VIRMA: variants seen among roughly 807,000 people sequenced by gnomAD.
The protein encoded by VIRMA is protein virilizer homolog.
Under a neutral mutation model 182.4 loss-of-function variants are expected in VIRMA, and 65 were observed. That is an observed-to-expected ratio of 0.36 (90% confidence interval 0.29 to 0.44). The LOEUF (loss-of-function observed/expected upper bound fraction) is 0.44. VIRMA is among the 20% of genes least tolerant of loss of function. VIRMA has a pLI of 1.00. For synonymous variants in VIRMA, 709 were observed against 743.1 expected (o/e 0.95, Z 0.75); for missense variants, 1,752 against 2,158.1 (o/e 0.81, Z 3.73).
chr8:94,529,509 A>G (rs1482766230), intron 6 of VIRMA, among the ~76,000 whole-genome samples, 167 bp from the exon 7 acceptor site: 4 of 152,194 alleles, frequency 2.6e-5, no homozygotes, highest in African/African-American at 9.6e-5. Flanking sequence ...TACACTGTAC[A>G]ACTTCTACAG....
rs748361563 is a variant in VIRMA, at chr8:94,494,928, C to T, written c.4573G>A (p.Asp1525Asn). 1.2e-6 allele frequency: 2 copies of T among 1,611,064 alleles called. No homozygotes were observed. The highest frequency in any genetic ancestry group is 1.7e-6 in the Non-Finnish European group (2 of 1,177,470). ...RTAYVLADVM[D>N]DQLKSMWFTP... is the part of the protein sequence containing the mutation. ...AACCACATAGATTTCAACTGATCAT[C>T]CATGACATCAGCAAGCACATAGGCA... The change falls in exon 20 of 24, where the codon GAT becomes AAT. Residue 1525 changes from aspartate to asparagine, a missense_variant. Physicochemically the swap from Asp to Asn is conservative, Grantham distance 23 (BLOSUM62 1). Coordinates refer to ENST00000297591, the MANE Select transcript of VIRMA (RefSeq NM_015496.5).
chr8:94,527,588 GACAA>G (rs1005341466), intron 7 of VIRMA, among the ~76,000 whole-genome samples: 3 of 152,044 alleles, frequency 2.0e-5, no homozygotes, highest in African/African-American at 7.3e-5. Context: ...CTGAAAACTG[GACAA>G]ACATTTTAAG....
In VIRMA at chr8:94,511,727, G is replaced by T; in HGVS notation, c.2848C>A (p.Gln950Lys). The T allele has an allele frequency of 1.2e-6, 2 of 1,611,618 alleles. No individual in the cohort carries two copies. The highest frequency in any genetic ancestry group is 2.2e-5 in the South Asian group (2 of 90,976). ...AGATTCCATTTCAGATCTTTCTGTTGACCTTTATATAGGATAAGAAAAAGA... is the reference window on the plus strand; with the variant it reads ...AGATTCCATTTCAGATCTTTCTGTTTACCTTTATATAGGATAAGAAAAAGA... ...VACPPPPVEG[Q>K]QKDLKWNLAV... The change falls in exon 13 of 24, where the codon CAA becomes AAA. Residue 950 changes from glutamine (Q) to lysine (K), a missense_variant and splice_region_variant. Physicochemically the swap from Gln to Lys is moderately conservative, Grantham distance 53 (BLOSUM62 1). Around this residue, in one of 11 missense-constraint regions of VIRMA, gnomAD observed 777 missense variants for 920.6 expected, o/e 0.84. Transcript: ENST00000297591.
At chr8:94,535,339 C>T (rs752615014) in intron 4 of VIRMA, among the ~76,000 whole-genome samples, 4 of 151,930 alleles carry the variant, frequency 2.6e-5, no homozygotes, top group Non-Finnish European at 4.4e-5. Context: ...TAAATTAAAC[C>T]CCAATAGGTA....
chr8:94,551,063 T>TC (rs1248237665), intron 1 of VIRMA, among the ~76,000 whole-genome samples: 1 of 152,156 alleles, frequency 6.6e-6, no homozygotes, highest in Admixed American at 6.5e-5. Flanking sequence ...AGCTCCATGA[T>TC]CTGTCTTTGA....
chr8:94,533,279 G>GA (rs1319520395), intron 5 of VIRMA, among the ~76,000 whole-genome samples: 4 of 151,110 alleles, frequency 2.6e-5, no homozygotes, highest in Admixed American at 1.3e-4. Context: ...ACCACCATCA[G>GA]AAAAAAAAGA....
intron 9 of VIRMA, among the ~76,000 whole-genome samples, chr8:94,518,241 G>T (rs2130326493): frequency 6.6e-6 from 1 of 152,296 alleles, no homozygotes. Flanking sequence ...AGTAATGAAA[G>T]GTTAGGAAGT....
intron 5 of VIRMA, among the ~76,000 whole-genome samples, 168 bp from the exon 6 acceptor site, chr8:94,531,253 ACTGT>A (rs772980686): frequency 6.5e-4 from 99 of 152,306 alleles, no homozygotes; most frequent in African/African-American, 1.2e-3. Flanking sequence ...TAATGGGCTG[ACTGT>A]CTGTATATGC....
chr8:94,506,198 C>T (rs890012429), intron 16 of VIRMA, among the ~76,000 whole-genome samples: 4 of 152,292 alleles, frequency 2.6e-5, no homozygotes, highest in South Asian at 4.1e-4. Context: ...GATACAACAA[C>T]GAAACAAAGA....
At position 94,519,299 on chromosome 8, in the gene VIRMA, T is replaced by G; in HGVS notation, c.2199A>C (p.Arg733=). The change falls in exon 9 of 24, where the codon CGA becomes CGC. Residue 733 remains arginine (R), a synonymous_variant. Coordinates refer to ENST00000297591, the MANE Select transcript of VIRMA (RefSeq NM_015496.5). ...CTTGATCATAAAAGTGACACAGAGCTCGGATCAATAAATTTGTTGCTTCAT... is the reference window on the plus strand; with the variant it reads ...CTTGATCATAAAAGTGACACAGAGCGCGGATCAATAAATTTGTTGCTTCAT... ...SEYEATNLLI[R]ALCHFYDQDE... 1 of 1,613,508 alleles carries G rather than the reference T, an allele frequency of 6.2e-7. No individual in the cohort carries two copies. Among genetic ancestry groups the G allele is most frequent in the South Asian group, 1.1e-5 (1 of 90,866 alleles).
intron 19 of VIRMA, among the ~76,000 whole-genome samples, chr8:94,495,216 C>A (rs146640304): frequency 1.3e-5 from 2 of 152,180 alleles, no homozygotes; most frequent in African/African-American, 2.4e-5. Context: ...GTTGCCCAGG[C>A]TAGTCTCAAA....
intron 16 of VIRMA, among the ~76,000 whole-genome samples, chr8:94,501,890 G>C (rs901634719): frequency 6.6e-6 from 1 of 152,206 alleles, no homozygotes; most frequent in Non-Finnish European, 1.5e-5. Flanking sequence ...CTATTCAGTA[G>C]AATGTATATT....
chr8:94,525,813 T>G (rs947131673), intron 8 of VIRMA, among the ~76,000 whole-genome samples: 6 of 152,174 alleles, frequency 3.9e-5, no homozygotes, highest in Non-Finnish European at 8.8e-5. Context: ...CACTGTAAAA[T>G]TAAGCTAGTA....
chr8:94,541,404 T>A (rs925598043), intron 2 of VIRMA, among the ~76,000 whole-genome samples: 4 of 152,070 alleles, frequency 2.6e-5, no homozygotes, highest in Admixed American at 6.6e-5. Context: ...CCTACCAGAA[T>A]AAAGGGATTA....
intron 20 of VIRMA, among the ~76,000 whole-genome samples, chr8:94,494,041 C>T (rs1813689326): frequency 1.3e-5 from 2 of 152,278 alleles, no homozygotes; most frequent in South Asian, 4.1e-4. Flanking sequence ...CTCCTTGAAC[C>T]CAAATGCAAG....
intron 15 of VIRMA, 117 bp downstream of exon 15, chr8:94,509,571 A>G (rs1814286048): frequency 9.6e-7 from 1 of 1,046,840 alleles, no homozygotes; most frequent in African/African-American, 1.6e-5. Flanking sequence ...GGAATAATAA[A>G]ACATAGATGA....
In VIRMA at chr8:94,512,082, T is replaced by C; in HGVS notation, c.2759A>G (p.Asp920Gly). Residue 920 changes from aspartate (D) to glycine (G), a missense_variant, in exon 12 of 24, where the codon GAT (aspartate) becomes GGT (glycine). Around this residue, in one of 11 missense-constraint regions of VIRMA, gnomAD observed 777 missense variants for 920.6 expected, o/e 0.84. Transcript: ENST00000297591. ...AACTCCTTCTGGGGTCATCAAGTTA[T>C]CGATATTCTTTAAAAATGAAAATGA... ...NLIEYVKQNI[D>G]NLMTPEGVGL... The C allele has an allele frequency of 6.8e-7, 1 of 1,473,414 alleles. No homozygotes were observed. The highest frequency in any genetic ancestry group is 9.0e-7 in the Non-Finnish European group (1 of 1,108,750). 91.3% of individuals were successfully genotyped at this position (1,473,414 alleles called of 1,614,324 possible).
Position 94,510,586 on chromosome 8 carries a change from C to T in VIRMA, c.3457G>A (p.Val1153Ile), listed in dbSNP as rs1814330755. Residue 1153 changes from valine to isoleucine, a missense_variant, in exon 14 of 24, where the codon GTT becomes ATT. This residue lies in a region of VIRMA where 777 missense variants were observed against 920.6 expected (regional missense o/e 0.84). Transcript: ENST00000297591. Reference sequence around the variant, plus strand: ...ATTTCTTGGAGCAACTTTGCTTGAACATGAAGGTGCATGCTCCACAATTTT... The same window carrying T: ...ATTTCTTGGAGCAACTTTGCTTGAATATGAAGGTGCATGCTCCACAATTTT... ...TRKLWSMHLH[V>I]QAKLLQEIVR... 2 of 1,614,026 alleles carry T rather than the reference C, an allele frequency of 1.2e-6. No individual in the cohort carries two copies. The highest frequency in any genetic ancestry group is 2.7e-5 in the African/African-American group (2 of 74,936).
intron 22 of VIRMA, among the ~76,000 whole-genome samples, chr8:94,491,191 G>A (rs1250204012): frequency 6.6e-6 from 1 of 151,346 alleles, no homozygotes; most frequent in Non-Finnish European, 1.5e-5. Context: ...GTGCATGCCT[G>A]TAGTCCCAAA....
Sources: gnomAD v4.1 joint callset for allele counts (sites outside exome capture counted in the v4.1 genomes callset) on GRCh38, gnomAD v4.1.1 for gene constraint, gnomAD v4.1.1 regional missense constraint, MANE v1.5 for transcripts, NCBI Gene and HGNC (gene_info 2026-07-23, HGNC 2026-07-21) for gene names.